RNASE4: variants seen among roughly 807,000 people sequenced by gnomAD.
The protein encoded by RNASE4 is ribonuclease A family member 4, also known as ribonuclease 4.
For missense variants in RNASE4, 194 were observed against 192.8 expected (o/e 1.01, Z -0.04); for synonymous variants, 93 against 71.4 (o/e 1.30, Z -1.52).
Position 20,693,058 on chromosome 14 carries a change from A to G in RNASE4, c.-17-6297A>G, listed in dbSNP as rs570064184. Among the ~76,000 whole-genome samples, 50 of 151,832 alleles carry G rather than the reference A, an allele frequency of 3.3e-4. No homozygotes were observed. In the South Asian group the frequency reaches 7.7e-3, roughly 23 times the overall value. ...GAGACGGGGTTTCACCGTGGTAGCC[A>G]GGATGGTCTCGATCTCCTGACCTCG... On this transcript the variant is annotated intron_variant, in intron 1 of 1. Coordinates refer to ENST00000555835, the MANE Select transcript of RNASE4 (RefSeq NM_002937.5).
Position 20,695,097 on chromosome 14 carries a change from G to A in RNASE4, c.-17-4258G>A, listed in dbSNP as rs900389842. On this transcript the variant is annotated intron_variant, in intron 1 of 1. Transcript: ENST00000555835. ...ATGTCTGGCAAGTGTGATGTTTTGG[G>A]GAAGTTATAGAAGATTCCGGCCAGG... Among the ~76,000 whole-genome samples, 7 of 152,044 alleles carry A rather than the reference G, an allele frequency of 4.6e-5. No homozygotes were observed. In the South Asian group the frequency reaches 1.5e-3, roughly 32 times the overall value.
chr14:20,696,716 G>GA (rs1887103723), intron 1 of RNASE4, among the ~76,000 whole-genome samples: 1 of 149,006 alleles, frequency 6.7e-6, no homozygotes, highest in African/African-American at 2.5e-5. Context: ...AGGAAACCAA[G>GA]AAAAATGGAA....
intron 1 of RNASE4, among the ~76,000 whole-genome samples, chr14:20,695,715 C>T (rs56094440): frequency 0.037 from 5,621 of 152,306 alleles, 133 homozygotes; most frequent in Non-Finnish European, 0.056. Context: ...CTGAAATGGG[C>T]CAAAAGCCGT....
chr14:20,689,188 A>T (rs755352939), intron 1 of RNASE4, among the ~76,000 whole-genome samples: 5 of 152,232 alleles, frequency 3.3e-5, no homozygotes, highest in Non-Finnish European at 5.9e-5. Flanking sequence ...CCCCTGTTAC[A>T]GGCATTACAC....
intron 1 of RNASE4, chr14:20,694,172 T>G: frequency 1.3e-6 from 1 of 758,406 alleles, no homozygotes; most frequent in Non-Finnish European, 2.2e-6. Context: ...AAAAATGTCT[T>G]GATATCAGTA....
At chr14:20,692,318 G>A (rs1001768696) in intron 1 of RNASE4, among the ~76,000 whole-genome samples, 36 of 152,330 alleles carry the variant, frequency 2.4e-4, no homozygotes, top group Middle Eastern at 3.4e-3. Context: ...TCTTGGGGAG[G>A]TAGGTCTGCT....
intron 1 of RNASE4, among the ~76,000 whole-genome samples, chr14:20,697,960 C>T (rs981667035): frequency 5.9e-5 from 9 of 152,268 alleles, no homozygotes; most frequent in Admixed American, 5.9e-4. Context: ...AGTGAGTCCA[C>T]CTCCAGTCTT....
intron 1 of RNASE4, among the ~76,000 whole-genome samples, chr14:20,692,835 A>AT (rs937607708): frequency 6.6e-6 from 1 of 151,976 alleles, no homozygotes; most frequent in Non-Finnish European, 1.5e-5. Context: ...TTAGGGAGGC[A>AT]TTTTTTTATT....
chr14:20,693,710 A>C lies in RNASE4; in HGVS notation c.-17-5645A>C. On this transcript the variant is annotated intron_variant, in intron 1 of 1. Transcript: ENST00000555835. ...AAACCACAGGGCCGGGATGACAGAT[A>C]CTGTGAAAGCATCATGAGGAGACGG... 3.1e-6 allele frequency: 5 copies of C among 1,614,218 alleles called. No individual in the cohort carries two copies. The highest frequency in any genetic ancestry group is 3.4e-6 in the Non-Finnish European group (4 of 1,180,038).
chr14:20,696,132 T>C (rs773743449), intron 1 of RNASE4, among the ~76,000 whole-genome samples: 1 of 152,198 alleles, frequency 6.6e-6, no homozygotes, highest in Non-Finnish European at 1.5e-5. Context: ...GCATGGACCA[T>C]TATTATATTG....
intron 1 of RNASE4, chr14:20,694,143 GACA>G (rs1886985523): frequency 2.2e-6 from 2 of 928,056 alleles, no homozygotes; most frequent in Admixed American, 2.1e-5. Context: ...TTTTCTGTTT[GACA>G]ACATGTTTAA....
intron 1 of RNASE4, among the ~76,000 whole-genome samples, chr14:20,689,626 A>G (rs1320381257): frequency 6.6e-6 from 1 of 152,212 alleles, no homozygotes. Context: ...TACTCTAAAG[A>G]ACAGTTGGGG....
intron 1 of RNASE4, among the ~76,000 whole-genome samples, chr14:20,686,322 C>T (rs1181625480): frequency 3.9e-5 from 6 of 152,120 alleles, no homozygotes; most frequent in Non-Finnish European, 8.8e-5. Flanking sequence ...AGAGGAATGG[C>T]TTTAGCTATT....
At chr14:20,685,580 G>T (rs1183354771) in intron 1 of RNASE4, among the ~76,000 whole-genome samples, 3 of 152,154 alleles carry the variant, frequency 2.0e-5, no homozygotes, top group Non-Finnish European at 4.4e-5. Flanking sequence ...AAGAGGATAG[G>T]TTTATTACAT....
At chr14:20,692,554 GTGAAC>G (rs1167296406) in intron 1 of RNASE4, among the ~76,000 whole-genome samples, 2 of 152,364 alleles carry the variant, frequency 1.3e-5, no homozygotes, top group East Asian at 3.9e-4. Context: ...GACGCCTATT[GTGAAC>G]TGCGCATGTG....
Position 20,699,411 on chromosome 14 carries a change from C to G in RNASE4, c.40C>G (p.Leu14Val). The G allele has an allele frequency of 6.2e-7, 1 of 1,608,392 alleles. No individual in the cohort carries two copies. Among genetic ancestry groups the G allele is most frequent in the Non-Finnish European group, 8.5e-7 (1 of 1,176,204 alleles). Residue 14 changes from leucine to valine, a missense_variant, in exon 2 of 2, where the codon CTG becomes GTG. Leu to Val is a conservative substitution (Grantham distance 32). Coordinates refer to ENST00000555835, the MANE Select transcript of RNASE4 (RefSeq NM_002937.5). Reference protein sequence around the residue: ...QRTHSLLLLLLLTLLGLGLVQ... With the variant: ...QRTHSLLLLLVLTLLGLGLVQ... ...GACCCATTCATTGCTTCTGCTTTTG[C>G]TGCTGACCCTGCTGGGGCTGGGGCT...
At position 20,699,741 on chromosome 14, in the gene RNASE4, G is replaced by A. The variant is rs773053178; in HGVS notation, c.370G>A (p.Ala124Thr). 2 of 1,611,078 alleles carry A rather than the reference G, an allele frequency of 1.2e-6. No individual in the cohort carries two copies. Among genetic ancestry groups the A allele is most frequent in the Admixed American group, 3.3e-5 (2 of 60,016 alleles). Residue 124 changes from alanine to threonine, a missense_variant, in exon 2 of 2, where the codon GCC (alanine) becomes ACC (threonine). Coordinates refer to ENST00000555835, the MANE Select transcript of RNASE4 (RefSeq NM_002937.5). ...SSRAPNCRYR[A>T]IASTRRVVIA... ...CAGGGCACCCAACTGCAGATATCGG[G>A]CCATAGCGAGCACTAGACGTGTTGT...
At chr14:20,685,467 GA>G (rs1204535679) in intron 1 of RNASE4, among the ~76,000 whole-genome samples, 8 of 152,082 alleles carry the variant, frequency 5.3e-5, no homozygotes, top group Non-Finnish European at 7.4e-5. Context: ...GTAATCAGTA[GA>G]AACCCAAGGG....
At chr14:20,697,815 C>T (rs1887143059) in intron 1 of RNASE4, among the ~76,000 whole-genome samples, 1 of 152,208 alleles carries the variant, frequency 6.6e-6, no homozygotes, top group Non-Finnish European at 1.5e-5. Flanking sequence ...TTGCTCACTT[C>T]CTATTGAATC....
Sources: allele counts gnomAD v4.1 joint callset (sites outside exome capture counted in the v4.1 genomes callset), GRCh38; gene constraint gnomAD v4.1.1; transcripts MANE v1.5; gene names NCBI Gene and HGNC (gene_info 2026-07-23, HGNC 2026-07-21).